The following KCNT1 variants were observed in gnomAD, a reference collection of about 807,000 sequenced individuals.
The protein encoded by KCNT1 is potassium channel subfamily T member 1.
Under a neutral mutation model 147.8 loss-of-function variants are expected in KCNT1, and 78 were observed. That is an observed-to-expected ratio of 0.53 (90% CI 0.44 to 0.64). The LOEUF is 0.64. Ranked by LOEUF, KCNT1 falls within the 30% of genes least tolerant of loss-of-function variation. The pLI, the probability that KCNT1 is intolerant of heterozygous loss-of-function variation, is 0.00. For missense variants in KCNT1, 1,419 were observed against 1,750.3 expected (o/e 0.81, Z 3.38); for synonymous variants, 867 against 748.8 (o/e 1.16, Z -2.58).
rs372775166 is a variant in KCNT1, at chr9:135,784,593, C to T, written c.3002C>T (p.Thr1001Met). The change falls in exon 26 of 31, where the codon ACG becomes ATG. Residue 1001 changes from threonine (T) to methionine (M), a missense_variant. This residue lies in a region of KCNT1 where 247 missense variants were observed against 397.1 expected (regional missense o/e 0.62). Coordinates refer to ENST00000371757, the MANE Select transcript of KCNT1 (RefSeq NM_020822.3). ...CGGCTGCTGCTGGGCCTGGACACCA[C>T]GCCGGGCTCGGGGTACCTCTGTGCC... Reference protein sequence around the residue: ...ITRLLLGLDTTPGSGYLCAMK... With the variant: ...ITRLLLGLDTMPGSGYLCAMK... 4 of 1,606,822 alleles carry T rather than the reference C, an allele frequency of 2.5e-6. No individual in the cohort carries two copies. The highest frequency in any genetic ancestry group is 2.2e-5 in the East Asian group (1 of 44,552).
At chr9:135,708,459 G>A (rs1033895292) in intron 1 of KCNT1, among the ~76,000 whole-genome samples, 55 of 152,088 alleles carry the variant, frequency 3.6e-4, no homozygotes, top group African/African-American at 1.2e-3. Flanking sequence ...AACATGGCTC[G>A]CCCAGCTCCT....
chr9:135,764,964 G>C (rs570323788), intron 11 of KCNT1, 67 bp from the exon 12 acceptor site: 50 of 1,527,854 alleles, frequency 3.3e-5, no homozygotes, highest in Non-Finnish European at 4.4e-5. Flanking sequence ...TCAGGGCCCA[G>C]GTTCTTCACC....
intron 29 of KCNT1, chr9:135,789,629 A>C (rs1670489048): frequency 6.6e-6 from 1 of 152,120 alleles, no homozygotes; most frequent in Non-Finnish European, 1.5e-5. Context: ...GGCGGGAGTG[A>C]CCGTGGATGC....
chr9:135,702,993 C>G (rs925299323), intron 1 of KCNT1: 2 of 153,724 alleles, frequency 1.3e-5, no homozygotes, highest in Non-Finnish European at 2.9e-5. Flanking sequence ...GCTAGCTGTT[C>G]CCTGTGCAGT....
At position 135,777,481 on chromosome 9, in the gene KCNT1, G is replaced by A. The variant is rs1564380594; in HGVS notation, c.2493G>A (p.Leu831=). The A allele has an allele frequency of 1.2e-6, 2 of 1,613,956 alleles. No individual in the cohort carries two copies. Among genetic ancestry groups the A allele is most frequent in the Middle Eastern group, 1.7e-4 (1 of 6,046 alleles). ...CCTACTACAGATCCCGCAAGGAGCT[G>A]AACCCCATCGTGCTGCTGCTGGACA... ...LRAYYRSRKE[L]NPIVLLLDNK... is the part of the protein sequence containing the mutation. Residue 831 remains leucine (L), a synonymous_variant, in exon 21 of 31, where the codon CTG becomes CTA. Transcript: ENST00000371757.
rs565941154 is a variant in KCNT1, at chr9:135,761,397, C to A, written c.1035+1538C>A. 1.9e-3 allele frequency among the ~76,000 whole-genome samples: 288 copies of A among 152,322 alleles called. 3 individuals carry two copies. The highest frequency in any genetic ancestry group is 4.6e-4 in the Non-Finnish European group (31 of 68,024). On this transcript the variant is annotated intron_variant, in intron 11 of 30. Coordinates refer to ENST00000371757, the MANE Select transcript of KCNT1 (RefSeq NM_020822.3). ...GCTCCTTTCTCTGCGCATTTCATAA[C>A]CAGGCAAGGGCGGGAGTGAGGGTGG...
intron 2 of KCNT1, among the ~76,000 whole-genome samples, chr9:135,744,706 C>T (rs575570234): frequency 1.3e-5 from 2 of 152,362 alleles, no homozygotes; most frequent in South Asian, 4.1e-4. Flanking sequence ...GCGCCGCTGA[C>T]GGCTCTCCCA....
At chr9:135,779,280 G>C (rs1833426147) in intron 23 of KCNT1, 79 bp from the exon 24 acceptor site, 2 of 511,000 alleles carry the variant, frequency 3.9e-6, no homozygotes, top group Non-Finnish European at 6.6e-6. Context: ...GACCCCCACA[G>C]CCACATGATC....
chr9:135,785,675 G>A (rs1395813553), intron 28 of KCNT1: 2 of 533,576 alleles, frequency 3.7e-6, no homozygotes, highest in South Asian at 2.0e-5. Flanking sequence ...CTTTCTGAAG[G>A]TGCCACCCAG....
intron 2 of KCNT1, among the ~76,000 whole-genome samples, chr9:135,746,292 G>T (rs559135535): frequency 4.6e-5 from 7 of 152,272 alleles, no homozygotes; most frequent in Non-Finnish European, 1.0e-4. Context: ...TGAGCTCCGT[G>T]GGGGCTACCC....
At chr9:135,784,659 C>A in intron 26 of KCNT1, 41 bp downstream of exon 26, 1 of 1,610,640 alleles carries the variant, frequency 6.2e-7, no homozygotes, top group East Asian at 2.2e-5. Flanking sequence ...GCGTGCTGGG[C>A]TGTCCAAGTG....
rs553751644 is a variant in KCNT1, at chr9:135,765,096, T to A, written c.1101T>A (p.Arg367=). The part of the protein sequence containing the change: ...QKSGGNYSRH[R]AQTEKHVVLC... ...CAGGGGGCAACTACAGCCGCCACCG[T>A]GCGCAGACGGAGAAGCACGTGGTCC... The change falls in exon 12 of 31, where the codon CGT becomes CGA. Residue 367 remains arginine (R), a synonymous_variant. Transcript: ENST00000371757. 22 of 1,613,480 alleles carry A rather than the reference T, an allele frequency of 1.4e-5. No homozygotes were observed. In the South Asian group the frequency reaches 1.9e-4, roughly 14 times the overall value.
At chr9:135,755,316 C>A in intron 6 of KCNT1, 147 bp downstream of exon 6, 1 of 595,396 alleles carries the variant, frequency 1.7e-6, no homozygotes, top group Non-Finnish European at 2.7e-6. Context: ...CAAACCCAGG[C>A]TCAGTGAGCA....
chr9:135,703,315 C>T (rs1375716324), intron 1 of KCNT1, among the ~76,000 whole-genome samples: 1 of 152,118 alleles, frequency 6.6e-6, no homozygotes, highest in African/African-American at 2.4e-5. Flanking sequence ...GAAGAGCATA[C>T]CTGAGAGCGG....
At chr9:135,779,258 A>T in intron 23 of KCNT1, 101 bp from the exon 24 acceptor site, 1 of 351,390 alleles carries the variant, frequency 2.8e-6, no homozygotes, top group Non-Finnish European at 5.3e-6. Context: ...CAGCCATGGG[A>T]CCCCGCCCTG....
At chr9:135,734,789 G>A (rs570804392) in intron 2 of KCNT1, among the ~76,000 whole-genome samples, 31 of 152,210 alleles carry the variant, frequency 2.0e-4, no homozygotes, top group Middle Eastern at 3.4e-3. Context: ...GAATGTGAGC[G>A]AGCCGCATCC....
Position 135,770,898 on chromosome 9 carries a change from A to C in KCNT1, c.1811A>C (p.Lys604Thr). ...CLIGLKREDN[K>T]SILLNPGPRH... Reference sequence around the variant, plus strand: ...ATCGGGCTGAAGCGGGAGGACAACAAGAGCATCCTGCTGAACCCGGGGCCC... The same window carrying C: ...ATCGGGCTGAAGCGGGAGGACAACACGAGCATCCTGCTGAACCCGGGGCCC... The change falls in exon 18 of 31, where the codon AAG becomes ACG. Residue 604 changes from lysine (K) to threonine (T), a missense_variant. Transcript: ENST00000371757. 1.2e-6 allele frequency: 2 copies of C among 1,601,770 alleles called. No individual in the cohort carries two copies. The highest frequency in any genetic ancestry group is 2.2e-5 in the South Asian group (2 of 89,290).
intron 2 of KCNT1, among the ~76,000 whole-genome samples, chr9:135,724,361 C>A (rs537904076): frequency 4.4e-4 from 67 of 152,384 alleles, no homozygotes; most frequent in African/African-American, 1.5e-3. Flanking sequence ...GAGCCTCAAA[C>A]AAGAGTGAAG....
intron 1 of KCNT1, among the ~76,000 whole-genome samples, chr9:135,706,444 G>A (rs1038265007): frequency 6.6e-6 from 1 of 152,236 alleles, no homozygotes; most frequent in Non-Finnish European, 1.5e-5. Flanking sequence ...TCACAACAGT[G>A]CCGGGGTGTG....
Sources: gnomAD v4.1 joint callset for allele counts (sites outside exome capture counted in the v4.1 genomes callset) on GRCh38, gnomAD v4.1.1 for gene constraint, gnomAD v4.1.1 regional missense constraint, MANE v1.5 for transcripts, NCBI Gene and HGNC (gene_info 2026-07-23, HGNC 2026-07-21) for gene names.